WDR93: variants seen among roughly 807,000 people sequenced by gnomAD.
The protein encoded by WDR93 is WD repeat domain 93.
Under a neutral mutation model 82.9 loss-of-function variants are expected in WDR93, and 73 were observed. That is an observed-to-expected ratio of 0.88 (90% CI 0.73 to 1.07). The LOEUF (loss-of-function observed/expected upper bound fraction) is 1.07, where lower values mean the gene tolerates loss of function less well. Among genes scored for constraint, WDR93 ranks in the 50% least tolerant of loss-of-function variants. The probability of loss-of-function intolerance (pLI) is 0.00; values close to 1 mark genes in which losing one functional copy is unlikely to be tolerated. For missense variants in WDR93, 738 were observed against 826.0 expected (o/e 0.89, Z 1.31); for synonymous variants, 283 against 300.1 (o/e 0.94, Z 0.59).
chr15:89,722,802 A>G (rs1012341113), intron 8 of WDR93, among the ~76,000 whole-genome samples: 1 of 152,166 alleles, frequency 6.6e-6, no homozygotes, highest in Admixed American at 6.5e-5. Flanking sequence ...ATGATCACAA[A>G]GACATATCTA....
chr15:89,702,742 T>C (rs1291890629), intron 2 of WDR93, among the ~76,000 whole-genome samples: 1 of 152,192 alleles, frequency 6.6e-6, no homozygotes, highest in Non-Finnish European at 1.5e-5. Flanking sequence ...TTTCACCATG[T>C]TGGCCAGGCT....
At chr15:89,741,526 C>A (rs1424639312) in intron 16 of WDR93, among the ~76,000 whole-genome samples, 1 of 152,158 alleles carries the variant, frequency 6.6e-6, no homozygotes, top group African/African-American at 2.4e-5. Flanking sequence ...CCATTCTCAG[C>A]CTAAAAGAAA....
chr15:89,706,678 C>A (rs909935661), intron 4 of WDR93, among the ~76,000 whole-genome samples: 6 of 151,710 alleles, frequency 4.0e-5, no homozygotes, highest in Non-Finnish European at 5.9e-5. Context: ...GAAAAAAAAA[C>A]CACAGAGGAA....
chr15:89,737,436 T>C, intron 14 of WDR93, 137 bp from the exon 15 acceptor site: 2 of 1,177,294 alleles, frequency 1.7e-6, no homozygotes, highest in Non-Finnish European at 2.4e-6. Context: ...CAGCCCTGGA[T>C]GGATCCAGAG....
Position 89,743,305 on chromosome 15 carries a change from GAGA to G in WDR93, c.1980_1982del (p.Lys660del). The G allele has an allele frequency of 1.2e-6, 2 of 1,614,202 alleles. No homozygotes were observed. The highest frequency in any genetic ancestry group is 2.2e-5 in the East Asian group (1 of 44,876). ...TGTGGCCCTCAGCTATCGGAAGCTG[GAGA>G]AGAACCCAGAGAAGGAGGAGGAGCA... On this transcript the variant is annotated inframe_deletion, in exon 17 of 17. Transcript: ENST00000268130.
In WDR93 at chr15:89,731,518, T is replaced by C. The variant is rs761294444; in HGVS notation, c.1286T>C (p.Leu429Pro). The C allele has an allele frequency of 1.2e-6, 2 of 1,614,198 alleles. No individual in the cohort carries two copies. Among genetic ancestry groups the C allele is most frequent in the African/African-American group, 2.7e-5 (2 of 75,060 alleles). ...QLSCSSSYLV[L>P]ACEDGVLTLW... ...AGCTGCTCCTCCTCCTACCTGGTGC[T>C]GGCCTGCGAGGATGGTGTGCTCACG... is the stretch of plus-strand genomic sequence containing the variant. The change falls in exon 12 of 17, where the codon CTG becomes CCG. Residue 429 changes from leucine to proline, a missense_variant. Physicochemically the swap from Leu to Pro is moderately conservative, Grantham distance 98. Coordinates refer to ENST00000268130, the MANE Select transcript of WDR93 (RefSeq NM_020212.2).
At chr15:89,725,982 AG>A (rs1210655641) in intron 8 of WDR93, among the ~76,000 whole-genome samples, 5 of 152,240 alleles carry the variant, frequency 3.3e-5, no homozygotes, top group Admixed American at 2.0e-4. Flanking sequence ...CTTCACAATA[AG>A]AAAAAGGTTT....
At chr15:89,702,767 G>A (rs954019894) in intron 2 of WDR93, among the ~76,000 whole-genome samples, 183 bp from the exon 3 acceptor site, 3 of 152,076 alleles carry the variant, frequency 2.0e-5, no homozygotes, top group Non-Finnish European at 4.4e-5. Flanking sequence ...TCGAACCCTT[G>A]ACCTCATGTG....
At chr15:89,703,346 G>A (rs1965566063) in intron 3 of WDR93, 3 of 599,856 alleles carry the variant, frequency 5.0e-6, no homozygotes, top group Admixed American at 3.2e-5. Flanking sequence ...AATCCTCATG[G>A]CAGCCTTAGG....
intron 9 of WDR93, 93 bp downstream of exon 9, chr15:89,727,421 C>G: frequency 7.1e-7 from 1 of 1,410,832 alleles, no homozygotes; most frequent in African/African-American, 1.4e-5. Flanking sequence ...CTGAATTAAT[C>G]TGAGATTTAA....
At chr15:89,705,504 C>G in intron 3 of WDR93, 50 bp from the exon 4 acceptor site, 1 of 1,165,400 alleles carries the variant, frequency 8.6e-7, no homozygotes, top group Non-Finnish European at 1.3e-6. Flanking sequence ...TCCAGTTTCT[C>G]TTCAGCTCAA....
chr15:89,698,037 G>A (rs970613830), intron 1 of WDR93, among the ~76,000 whole-genome samples: 14 of 151,132 alleles, frequency 9.3e-5, no homozygotes, highest in Non-Finnish European at 1.6e-4. Context: ...CTACCACCAC[G>A]CCCGGCTGAT....
In WDR93 at chr15:89,742,126, G is replaced by A. The variant is rs529509597; in HGVS notation, c.1962-1166G>A. On this transcript the variant is annotated intron_variant, in intron 16 of 16. Transcript: ENST00000268130. ...TTACCAGCCAGGTGCTGTGGCTCACGCCTGTAATCCCAGCAGTTTGGGAGA... is the reference window on the plus strand; with the variant it reads ...TTACCAGCCAGGTGCTGTGGCTCACACCTGTAATCCCAGCAGTTTGGGAGA... Among the ~76,000 whole-genome samples, 5 of 152,090 alleles carry A rather than the reference G, an allele frequency of 3.3e-5. 1 individual carries two copies. Among genetic ancestry groups the A allele is most frequent in the Middle Eastern group, 6.8e-3 (2 of 294 alleles).
intron 3 of WDR93, chr15:89,705,285 G>A: frequency 2.2e-6 from 1 of 460,346 alleles, no homozygotes; most frequent in Non-Finnish European, 3.9e-6. Context: ...GTGGATGGAT[G>A]TAGCCCATGT....
intron 4 of WDR93, among the ~76,000 whole-genome samples, chr15:89,710,102 G>C (rs1181030380): frequency 6.6e-6 from 1 of 152,242 alleles, no homozygotes; most frequent in East Asian, 1.9e-4. Flanking sequence ...GGAGATTGCA[G>C]TGAGCTGAGA....
Position 89,712,099 on chromosome 15 carries a change from T to A in WDR93, c.635T>A (p.Leu212Gln). The change falls in exon 5 of 17, where the codon CTA (leucine) becomes CAA (glutamine). Residue 212 changes from leucine to glutamine, a missense_variant. Transcript: ENST00000268130. Reference sequence around the variant, plus strand: ...GGAGGGGACTTTGCAGCCTTCCTCCTACAAGGCAAGATTAACCAAAGACTG... The same window carrying A: ...GGAGGGGACTTTGCAGCCTTCCTCCAACAAGGCAAGATTAACCAAAGACTG... ...SQGGDFAAFL[L>Q]QGAGDIWLDV... is the part of the protein sequence containing the mutation. 1 of 1,611,898 alleles carries A rather than the reference T, an allele frequency of 6.2e-7. No individual in the cohort carries two copies. Among genetic ancestry groups the A allele is most frequent in the Non-Finnish European group, 8.5e-7 (1 of 1,178,810 alleles).
intron 4 of WDR93, among the ~76,000 whole-genome samples, chr15:89,711,194 T>C (rs919008159): frequency 6.6e-6 from 1 of 151,974 alleles, no homozygotes; most frequent in Non-Finnish European, 1.5e-5. Context: ...CTAAACCTAA[T>C]CAAAGCTGTA....
At chr15:89,693,643 A>G (rs1157701582) in intron 1 of WDR93, among the ~76,000 whole-genome samples, 1 of 152,204 alleles carries the variant, frequency 6.6e-6, no homozygotes, top group African/African-American at 2.4e-5. Context: ...AAACAAACAA[A>G]CAGAAGCCAT....
chr15:89,701,292 T>C (rs955073509), intron 1 of WDR93, among the ~76,000 whole-genome samples: 2 of 151,902 alleles, frequency 1.3e-5, no homozygotes, highest in Non-Finnish European at 2.9e-5. Context: ...CTGCATCTGA[T>C]GGGGGGTAAA....
Sources: allele counts gnomAD v4.1 joint callset (sites outside exome capture counted in the v4.1 genomes callset), GRCh38; gene constraint gnomAD v4.1.1; transcripts MANE v1.5; gene names NCBI Gene and HGNC (gene_info 2026-07-23, HGNC 2026-07-21).